RIN2: variants seen among roughly 807,000 people sequenced by gnomAD.
The protein encoded by RIN2 is RAB5 interacting protein 2.
A neutral mutation model predicts 78.0 loss-of-function variants in RIN2; 36 were observed. The ratio of observed to expected loss-of-function variants is 0.46; its 90% CI spans 0.35 to 0.61. RIN2 has a LOEUF of 0.61. RIN2 is among the 20% of genes least tolerant of loss of function. RIN2 has a pLI of 0.00. For synonymous variants in RIN2, 466 were observed against 466.8 expected (o/e 1.00, Z 0.02); for missense variants, 1,087 against 1,159.7 (o/e 0.94, Z 0.91).
At chr20:19,936,085 C>T (rs960696275) in intron 4 of RIN2, among the ~76,000 whole-genome samples, 1 of 152,222 alleles carries the variant, frequency 6.6e-6, no homozygotes, top group African/African-American at 2.4e-5. Flanking sequence ...CGACTAGTTC[C>T]GCCATACGCT....
At chr20:19,883,229 G>A (rs1248908945) in intron 2 of RIN2, among the ~76,000 whole-genome samples, 1 of 152,170 alleles carries the variant, frequency 6.6e-6, no homozygotes, top group Non-Finnish European at 1.5e-5. Context: ...TGCCTGCAGG[G>A]GTGGCGAAGA....
At chr20:19,936,356 A>C (rs531459333) in intron 4 of RIN2, among the ~76,000 whole-genome samples, 8 of 152,204 alleles carry the variant, frequency 5.3e-5, no homozygotes, top group South Asian at 4.1e-4. Context: ...ATTTTCAGGT[A>C]GTGACTCTCT....
At chr20:19,796,573 T>C (rs1016468006) in intron 1 of RIN2, among the ~76,000 whole-genome samples, 2 of 152,226 alleles carry the variant, frequency 1.3e-5, no homozygotes, top group Non-Finnish European at 2.9e-5. Context: ...ATGTGAAATA[T>C]ATTTATTACC....
chr20:19,974,679 C>T lies in RIN2; in HGVS notation c.654C>T (p.Ser218=). The stretch of plus-strand genomic sequence containing the variant: ...ATTTCTGGAGCTCCCCAGCTGACAG[C>T]AAACCCCCGAACCTTCCACCTCCCC... ...GLNFWSSPAD[S]KPPNLPPPHR... is the part of the protein sequence containing the mutation. Residue 218 remains serine, a synonymous_variant, in exon 9 of 13, where the codon AGC becomes AGT. Coordinates refer to ENST00000255006, the MANE Select transcript of RIN2 (RefSeq NM_018993.4). 3 of 1,612,972 alleles carry T rather than the reference C, an allele frequency of 1.9e-6. No individual in the cohort carries two copies. In the African/African-American group the frequency reaches 4.0e-5, roughly 22 times the overall value.
intron 3 of RIN2, among the ~76,000 whole-genome samples, chr20:19,900,124 T>G (rs1281454326): frequency 6.6e-6 from 1 of 151,870 alleles, no homozygotes; most frequent in African/African-American, 2.4e-5. Context: ...TGAATGTGGG[T>G]TTTTTGGTTT....
At chr20:19,935,395 A>G (rs893784927) in intron 4 of RIN2, 196 bp downstream of exon 4, 8 of 1,337,840 alleles carry the variant, frequency 6.0e-6, no homozygotes, top group African/African-American at 1.5e-5. Context: ...AATCACTTTG[A>G]AGGCACTTGA....
chr20:19,757,820 G>A (rs2033432340), upstream of RIN2: 1 of 152,398 alleles, frequency 6.6e-6, no homozygotes, highest in Non-Finnish European at 1.5e-5. Context: ...GGGGACCGCA[G>A]AAGACAGGGG....
chr20:19,894,488 G>A (rs1234682033), intron 3 of RIN2, among the ~76,000 whole-genome samples: 3 of 152,162 alleles, frequency 2.0e-5, no homozygotes, highest in Non-Finnish European at 4.4e-5. Flanking sequence ...CTAGCTTGAA[G>A]CAATCCTCCT....
Position 19,888,430 on chromosome 20 carries a change from C to T in RIN2, c.-36-1136C>T, listed in dbSNP as rs189198431. On this transcript the variant is annotated intron_variant, in intron 2 of 12. Transcript: ENST00000255006. ...CGTCCCTAAATATCGCCCTCAATGT[C>T]CTGTTTGTGTCGCTGGCTCTCTGCC... Among the ~76,000 whole-genome samples, 3 of 152,348 alleles carry T rather than the reference C, an allele frequency of 2.0e-5. No individual in the cohort carries two copies. The East Asian group carries it at 5.8e-4, about 29-fold the overall frequency.
intron 5 of RIN2, among the ~76,000 whole-genome samples, chr20:19,959,916 G>A (rs2041682568): frequency 6.6e-6 from 1 of 152,164 alleles, no homozygotes; most frequent in African/African-American, 2.4e-5. Flanking sequence ...GCAGTGATGA[G>A]GGACAGAATG....
intron 1 of RIN2, among the ~76,000 whole-genome samples, chr20:19,768,558 G>A (rs2033986245): frequency 6.6e-6 from 1 of 152,284 alleles, no homozygotes; most frequent in African/African-American, 2.4e-5. Context: ...AATGATTTAG[G>A]ACTCTGAAGG....
At chr20:19,759,088 C>G (rs1043668913) in intron 1 of RIN2, among the ~76,000 whole-genome samples, 1 of 152,202 alleles carries the variant, frequency 6.6e-6, no homozygotes, top group Admixed American at 6.5e-5. Flanking sequence ...CCCACCAGCT[C>G]GGCGTCCACC....
At chr20:19,875,714 C>T (rs2037835638) in intron 2 of RIN2, among the ~76,000 whole-genome samples, 1 of 152,082 alleles carries the variant, frequency 6.6e-6, no homozygotes, top group African/African-American at 2.4e-5. Context: ...GAAACAGACA[C>T]AGACAGTGGT....
chr20:19,972,361 A>G (rs1254346332), intron 8 of RIN2, among the ~76,000 whole-genome samples: 1 of 152,148 alleles, frequency 6.6e-6, no homozygotes, highest in East Asian at 1.9e-4. Context: ...TAGTGAGTGC[A>G]TAGTGCTGAG....
intron 6 of RIN2, among the ~76,000 whole-genome samples, chr20:19,964,063 C>T (rs1049743206): frequency 6.6e-6 from 1 of 151,914 alleles, no homozygotes; most frequent in African/African-American, 2.4e-5. Context: ...AGGGTTTTGC[C>T]ATGTTGGCCA....
intron 1 of RIN2, among the ~76,000 whole-genome samples, chr20:19,767,900 G>C (rs1361333019): frequency 1.4e-5 from 2 of 140,950 alleles, no homozygotes; most frequent in Non-Finnish European, 1.5e-5. Context: ...ACTCCAGCCT[G>C]GGCAACAGAG....
At chr20:19,936,975 C>A (rs2040671301) in intron 4 of RIN2, among the ~76,000 whole-genome samples, 1 of 152,200 alleles carries the variant, frequency 6.6e-6, no homozygotes, top group Non-Finnish European at 1.5e-5. Context: ...AACTACTGTT[C>A]TAAGTCGCTT....
chr20:19,833,283 T>TTTTATATATATATATATATATATATA (rs2036304390), intron 2 of RIN2, among the ~76,000 whole-genome samples: 2 of 150,932 alleles, frequency 1.3e-5, no homozygotes, highest in East Asian at 1.9e-4. Context: ...TAGATATAGG[T>TTTTATATATATATATATATATATATA]TATATATATA....
intron 2 of RIN2, among the ~76,000 whole-genome samples, chr20:19,880,915 G>A (rs1043362120): frequency 6.6e-6 from 1 of 152,124 alleles, no homozygotes; most frequent in African/African-American, 2.4e-5. Context: ...ATAACAGACC[G>A]AACATATGGC....
Sources: gnomAD v4.1 joint callset for allele counts (sites outside exome capture counted in the v4.1 genomes callset) on GRCh38, gnomAD v4.1.1 for gene constraint, MANE v1.5 for transcripts, NCBI Gene and HGNC (gene_info 2026-07-23, HGNC 2026-07-21) for gene names.